Variants in LAMA3 observed in about 807,000 individuals in gnomAD.
LAMA3 encodes the protein laminin subunit alpha 3.
LAMA3 carries 281 observed loss-of-function variants against 402.0 expected under a neutral mutation model. The observed-to-expected ratio is 0.70, with a 90% CI of 0.63 to 0.77. LAMA3 has a LOEUF of 0.77. Among genes scored for constraint, LAMA3 ranks in the 30% least tolerant of loss-of-function variants. The pLI is 0.00. For missense variants in LAMA3, 3,840 were observed against 4,215.5 expected, an observed-to-expected ratio of 0.91 and a Z score of 2.47; for synonymous variants, 1,431 against 1,558.4, an observed-to-expected ratio of 0.92 and a Z score of 1.93.
At chr18:23,941,685 A>C (rs952926716) in intron 68 of LAMA3, among the ~76,000 whole-genome samples, 13 of 151,938 alleles carry the variant, frequency 8.6e-5, no homozygotes, top group Middle Eastern at 3.4e-3. Flanking sequence ...TCTCTGCCCT[A>C]CCCTCCCATC....
intron 41 of LAMA3, among the ~76,000 whole-genome samples, chr18:23,886,702 G>A (rs182584293): frequency 6.6e-6 from 1 of 152,262 alleles, no homozygotes; most frequent in Admixed American, 6.5e-5. Context: ...CTTTAAAAGA[G>A]TTTGACTAAT....
Position 23,954,722 on chromosome 18 carries a change from C to A in LAMA3, c.*74C>A. On this transcript the variant is annotated 3_prime_UTR_variant, in exon 75 of 75. Transcript: ENST00000313654. ...ACCCAATGCACCTCCCTCCCCAGCT[C>A]GAGATCATTCTTCACTCAGGACACA... The A allele has an allele frequency of 6.8e-7, 1 of 1,473,952 alleles. No homozygotes were observed. Among genetic ancestry groups the A allele is most frequent in the Non-Finnish European group, 9.5e-7 (1 of 1,053,958 alleles). The allele number at this position is 1,473,952 out of a possible 1,614,324, so 91.3% of individuals were successfully genotyped here.
chr18:23,821,458 G>A (rs1374474778), intron 19 of LAMA3, among the ~76,000 whole-genome samples: 6 of 152,170 alleles, frequency 3.9e-5, no homozygotes, highest in African/African-American at 1.4e-4. Context: ...AAGAAGTTGG[G>A]GGAAATGCTA....
At chr18:23,869,244 T>A (rs184595247) in intron 37 of LAMA3, among the ~76,000 whole-genome samples, 1 of 152,348 alleles carries the variant, frequency 6.6e-6, no homozygotes, top group East Asian at 1.9e-4. Flanking sequence ...GCAATTTATA[T>A]GATAGTAACA....
intron 8 of LAMA3, among the ~76,000 whole-genome samples, chr18:23,772,165 C>A (rs2062213485): frequency 1.3e-5 from 2 of 151,940 alleles, no homozygotes; most frequent in African/African-American, 4.8e-5. Flanking sequence ...CCTCAGCCTG[C>A]TGAGTAGCTG....
intron 11 of LAMA3, among the ~76,000 whole-genome samples, chr18:23,780,026 A>G (rs1240441171): frequency 6.6e-6 from 1 of 152,198 alleles, no homozygotes; most frequent in Non-Finnish European, 1.5e-5. Context: ...AGACTCAGAG[A>G]GGGCCAGGCA....
chr18:23,896,056 C>T (rs1161412667), intron 44 of LAMA3, among the ~76,000 whole-genome samples: 1 of 152,180 alleles, frequency 6.6e-6, no homozygotes, highest in African/African-American at 2.4e-5. Flanking sequence ...AATGTGTTGA[C>T]CAGGCATGGT....
chr18:23,946,099 T>C, intron 69 of LAMA3, 45 bp from the exon 70 acceptor site: 1 of 1,586,138 alleles, frequency 6.3e-7, no homozygotes. Context: ...CAACACCAAT[T>C]GTCAAAGGTA....
intron 47 of LAMA3, among the ~76,000 whole-genome samples, chr18:23,900,683 A>G (rs2081042309): frequency 6.6e-6 from 1 of 152,190 alleles, no homozygotes; most frequent in South Asian, 2.1e-4. Context: ...ATGATGTATC[A>G]GTGGTTAATA....
Position 23,952,469 on chromosome 18 carries a change from C to T in LAMA3, c.9737-521C>T, listed in dbSNP as rs72875945. Among the ~76,000 whole-genome samples, 1,313 of 152,290 alleles carry T rather than the reference C, an allele frequency of 8.6e-3. 10 individuals are homozygous for T. The highest frequency in any genetic ancestry group is 0.071 in the Middle Eastern group (21 of 294). ...TTAGAGATCTATGAACCCATATTGG[C>T]TAAAATACCTTTTGTAAAAAAGTGG... On this transcript the variant is annotated intron_variant, in intron 73 of 74. Coordinates refer to ENST00000313654, the MANE Select transcript of LAMA3 (RefSeq NM_198129.4).
intron 12 of LAMA3, among the ~76,000 whole-genome samples, chr18:23,788,232 T>C (rs1464388318): frequency 3.3e-5 from 5 of 151,946 alleles, no homozygotes; most frequent in African/African-American, 1.2e-4. Context: ...AAAAATGTAT[T>C]GCTGGATTTT....
chr18:23,828,870 T>C (rs2063439556), intron 23 of LAMA3, among the ~76,000 whole-genome samples: 1 of 152,264 alleles, frequency 6.6e-6, no homozygotes, highest in South Asian at 2.1e-4. Flanking sequence ...TTTTCTTGTC[T>C]TTTCTGCCAG....
At chr18:23,828,265 A>G (rs1025729412) in intron 23 of LAMA3, among the ~76,000 whole-genome samples, 1 of 152,236 alleles carries the variant, frequency 6.6e-6, no homozygotes, top group Non-Finnish European at 1.5e-5. Context: ...AGATGTGTAC[A>G]TTTTTGTAAA....
chr18:23,823,995 A>C (rs2063334745), intron 20 of LAMA3, among the ~76,000 whole-genome samples: 1 of 152,130 alleles, frequency 6.6e-6, no homozygotes, highest in African/African-American at 2.4e-5. Flanking sequence ...CTATGATGGC[A>C]TCTGTGAATA....
intron 50 of LAMA3, 51 bp downstream of exon 50, chr18:23,904,138 G>T: frequency 1.9e-6 from 3 of 1,606,250 alleles, no homozygotes; most frequent in Non-Finnish European, 2.6e-6. Flanking sequence ...GAGCTCAGCA[G>T]CTTGTCCTGA....
intron 69 of LAMA3, among the ~76,000 whole-genome samples, chr18:23,945,155 A>G (rs2082665434): frequency 6.6e-6 from 1 of 152,148 alleles, no homozygotes. Context: ...AAAAAAAATA[A>G]AACTCTTACA....
intron 29 of LAMA3, among the ~76,000 whole-genome samples, chr18:23,844,078 C>T (rs545064611): frequency 6.6e-6 from 1 of 152,330 alleles, no homozygotes; most frequent in East Asian, 1.9e-4. Flanking sequence ...GAGACAAGGG[C>T]TGCATCTGTT....
At chr18:23,925,421 G>A (rs1015841170) in intron 62 of LAMA3, among the ~76,000 whole-genome samples, 1 of 151,572 alleles carries the variant, frequency 6.6e-6, no homozygotes, top group Non-Finnish European at 1.5e-5. Flanking sequence ...ACCAACAAGG[G>A]CATTTTTCTT....
intron 55 of LAMA3, among the ~76,000 whole-genome samples, chr18:23,910,768 A>G (rs1464870082): frequency 3.3e-5 from 5 of 152,268 alleles, no homozygotes; most frequent in Non-Finnish European, 5.9e-5. Context: ...TGTGTGTATC[A>G]ACATGAATAA....
Sources: allele counts gnomAD v4.1 joint callset (sites outside exome capture counted in the v4.1 genomes callset), GRCh38; gene constraint gnomAD v4.1.1; transcripts MANE v1.5; gene names NCBI Gene and HGNC (gene_info 2026-07-23, HGNC 2026-07-21).